The following DYNC2H1 variants were observed in gnomAD, a reference collection of about 807,000 sequenced individuals.
DYNC2H1 encodes dynein cytoplasmic 2 heavy chain 1.
DYNC2H1 carries 410 observed loss-of-function variants against 570.0 expected under a neutral mutation model. The ratio of observed to expected loss-of-function variants is 0.72; its 90% CI spans 0.66 to 0.78. The LOEUF (loss-of-function observed/expected upper bound fraction) is 0.78. DYNC2H1 is among the 30% of genes least tolerant of loss of function. The pLI is 0.00. For missense variants in DYNC2H1, 4,865 were observed against 5,046.4 expected, an observed-to-expected ratio of 0.96 and a Z score of 1.09; for synonymous variants, 1,688 against 1,677.6, an observed-to-expected ratio of 1.01 and a Z score of -0.15.
intron 17 of DYNC2H1, among the ~76,000 whole-genome samples, chr11:103,140,634 GC>G (rs1057476828): frequency 2.0e-5 from 3 of 151,570 alleles, no homozygotes; most frequent in African/African-American, 7.3e-5. Flanking sequence ...CTCTCTGGCT[GC>G]CCTTTTTTCC....
At chr11:103,125,366 CTTTTTTTTTTT>C (rs71465387) in intron 12 of DYNC2H1, 71 bp downstream of exon 12, 1 of 518,736 alleles carries the variant, frequency 1.9e-6, no homozygotes, top group Admixed American at 5.2e-5. Flanking sequence ...ATGCTAAAGG[CTTTTTTTTTTT>C]TTTTTTTTAG....
chr11:103,428,181 T>C (rs1261129983), intron 84 of DYNC2H1, among the ~76,000 whole-genome samples: 2 of 112,866 alleles, frequency 1.8e-5, no homozygotes, highest in African/African-American at 4.4e-5. Context: ...CTCTATAACA[T>C]GAGCTTTTTT....
intron 18 of DYNC2H1, among the ~76,000 whole-genome samples, chr11:103,144,972 T>C (rs1228604371): frequency 6.6e-6 from 1 of 151,928 alleles, no homozygotes; most frequent in Non-Finnish European, 1.5e-5. Flanking sequence ...CCTCCACCTC[T>C]TGGGTTTAAG....
At chr11:103,272,526 G>A (rs944393643) in intron 70 of DYNC2H1, among the ~76,000 whole-genome samples, 13 of 152,178 alleles carry the variant, frequency 8.5e-5, no homozygotes, top group African/African-American at 2.9e-4. Flanking sequence ...TACATATGTA[G>A]CAAACCTGCA....
At chr11:103,429,542 T>C (rs519773) in intron 84 of DYNC2H1, among the ~76,000 whole-genome samples, 84,436 of 151,972 alleles carry the variant, frequency 0.56, 24,097 homozygotes, top group East Asian at 0.72. Context: ...TAAACTACAA[T>C]CTGCTCTAAC....
chr11:103,125,374 T>A (rs1858940190), intron 12 of DYNC2H1, 79 bp downstream of exon 12: 2 of 1,190,916 alleles, frequency 1.7e-6, no homozygotes, highest in Non-Finnish European at 2.3e-6. Context: ...GGCTTTTTTT[T>A]TTTTTTTTTT....
In DYNC2H1 at chr11:103,148,497, A is replaced by G; in HGVS notation, c.2826A>G (p.Leu942=). Residue 942 remains leucine, a synonymous_variant, in exon 20 of 89, where the codon TTA becomes TTG. Coordinates refer to ENST00000375735, the MANE Select transcript of DYNC2H1 (RefSeq NM_001377.3). ...TTCAATGTTACCACTCAGCTCATTT[A>G]CATGAAATTGATACATTTGTTACTG... ...LSLKKSIQAH[L]HEIDTFVTEA... 4 of 1,559,524 alleles carry G rather than the reference A, an allele frequency of 2.6e-6. No individual in the cohort carries two copies. Among genetic ancestry groups the G allele is most frequent in the South Asian group, 2.4e-5 (2 of 83,982 alleles).
At chr11:103,110,636 T>G (rs1321788454) in intron 1 of DYNC2H1, among the ~76,000 whole-genome samples, 3 of 152,150 alleles carry the variant, frequency 2.0e-5, no homozygotes, top group Non-Finnish European at 1.5e-5. Flanking sequence ...GCATTTGCAA[T>G]CAGGGCTTAT....
At chr11:103,196,586 C>T (rs1437323400) in intron 47 of DYNC2H1, among the ~76,000 whole-genome samples, 2 of 151,922 alleles carry the variant, frequency 1.3e-5, no homozygotes, top group Non-Finnish European at 2.9e-5. Flanking sequence ...GATAATTTAA[C>T]TGACAAAAAA....
At chr11:103,188,186 A>G (rs1405332223) in intron 43 of DYNC2H1, among the ~76,000 whole-genome samples, 1 of 151,936 alleles carries the variant, frequency 6.6e-6, no homozygotes, top group Non-Finnish European at 1.5e-5. Context: ...TTTTTCTCAT[A>G]TTTTTCCTGA....
chr11:103,245,403 A>G lies in DYNC2H1; in HGVS notation c.10042+29A>G. On this transcript the variant is annotated intron_variant, in intron 65 of 88. Transcript: ENST00000375735. The surrounding 1 kb of genome is among the most constrained non-coding windows in gnomAD (Gnocchi z 4.5). The stretch of plus-strand genomic sequence containing the variant: ...AATAATTGACACTTTCCAGAGTGTA[A>G]ATATTTTTAAAATTTCCAAAGTAAG... 1 of 1,533,272 alleles carries G rather than the reference A, an allele frequency of 6.5e-7. No individual in the cohort carries two copies. Among genetic ancestry groups the G allele is most frequent in the Non-Finnish European group, 8.7e-7 (1 of 1,143,958 alleles). The allele number at this position is 1,533,272 out of a possible 1,614,324, so 95.0% of individuals were successfully genotyped here.
intron 70 of DYNC2H1, among the ~76,000 whole-genome samples, chr11:103,265,048 C>T (rs1865453946): frequency 6.6e-6 from 1 of 152,134 alleles, no homozygotes; most frequent in Non-Finnish European, 1.5e-5. Flanking sequence ...AGGATGAATT[C>T]ATGTCCTTTG....
intron 62 of DYNC2H1, 67 bp downstream of exon 62, chr11:103,235,880 T>C (rs567079091): frequency 6.3e-7 from 1 of 1,580,534 alleles, no homozygotes; most frequent in African/African-American, 1.4e-5. Flanking sequence ...AAAATTTCAA[T>C]ATACTAAAAA....
intron 82 of DYNC2H1, among the ~76,000 whole-genome samples, chr11:103,346,850 C>G (rs1472754098): frequency 6.6e-6 from 1 of 152,058 alleles, no homozygotes; most frequent in African/African-American, 2.4e-5. Context: ...CATTATTTCA[C>G]AAACTCTAAT....
intron 1 of DYNC2H1, among the ~76,000 whole-genome samples, chr11:103,110,848 G>A (rs1009597909): frequency 1.3e-5 from 2 of 148,352 alleles, no homozygotes; most frequent in African/African-American, 2.5e-5. Context: ...GACGCAGTTC[G>A]CAGTTTCGCT....
rs1038914134 is a variant in DYNC2H1, at chr11:103,157,343, A to C, written c.4127+573A>C. On this transcript the variant is annotated intron_variant, in intron 26 of 88. Coordinates refer to ENST00000375735, the MANE Select transcript of DYNC2H1 (RefSeq NM_001377.3). The surrounding 1 kb of genome is among the most constrained non-coding windows in gnomAD (Gnocchi z 4.2). ...TCTCCTCAACTTACATGTACAGCCC[A>C]TATTTCTCTTCTGAGCTCCAAATCT... Among the ~76,000 whole-genome samples, 2 of 152,234 alleles carry C rather than the reference A, an allele frequency of 1.3e-5. No homozygotes were observed. The highest frequency in any genetic ancestry group is 2.4e-5 in the African/African-American group (1 of 41,470).
At chr11:103,128,503 A>G (rs990547374) in intron 12 of DYNC2H1, among the ~76,000 whole-genome samples, 2 of 152,228 alleles carry the variant, frequency 1.3e-5, no homozygotes, top group African/African-American at 4.8e-5. Flanking sequence ...GGATATCTCA[A>G]AGAATTTTTG....
At chr11:103,462,268 A>ATAAATATAAATT (rs1438360113) in intron 87 of DYNC2H1, among the ~76,000 whole-genome samples, 1 of 151,492 alleles carries the variant, frequency 6.6e-6, no homozygotes, top group Non-Finnish European at 1.5e-5. Flanking sequence ...CTCATTCCTT[A>ATAAATATAAATT]TAAATATAAA....
chr11:103,421,108 AC>A (rs1943471656), intron 84 of DYNC2H1, among the ~76,000 whole-genome samples: 2 of 152,250 alleles, frequency 1.3e-5, no homozygotes, highest in African/African-American at 4.8e-5. Context: ...CTTCAAACCA[AC>A]AAAGATTAAA....
Sources: allele counts gnomAD v4.1 joint callset (sites outside exome capture counted in the v4.1 genomes callset), GRCh38; gene constraint gnomAD v4.1.1; non-coding constraint Gnocchi (gnomAD v3.1); transcripts MANE v1.5; gene names NCBI Gene and HGNC (gene_info 2026-07-23, HGNC 2026-07-21).